FGFR4: variants seen among roughly 807,000 people sequenced by gnomAD.
The protein encoded by FGFR4 is fibroblast growth factor receptor 4, also known as hydroxyaryl-protein kinase.
FGFR4 carries 63 observed loss-of-function variants against 89.9 expected under a neutral mutation model. That is an observed-to-expected ratio of 0.70 (90% CI 0.57 to 0.86). FGFR4 has a LOEUF of 0.86. Ranked by LOEUF, FGFR4 falls within the 40% of genes least tolerant of loss-of-function variation. The probability of loss-of-function intolerance (pLI) is 0.00; values close to 1 mark genes in which losing one functional copy is unlikely to be tolerated. For synonymous variants in FGFR4, 486 were observed against 479.4 expected, an observed-to-expected ratio of 1.01 and a Z score of -0.18; for missense variants, 928 against 1,106.7, an observed-to-expected ratio of 0.84 and a Z score of 2.29.
chr5:177,093,182 A>G lies in FGFR4; in HGVS notation c.1102A>G (p.Thr368Ala), dbSNP rs564590358. 3 of 1,613,850 alleles carry G rather than the reference A, an allele frequency of 1.9e-6. No individual in the cohort carries two copies. The highest frequency in any genetic ancestry group is 1.3e-5 in the African/African-American group (1 of 74,914). Residue 368 changes from threonine to alanine, a missense_variant, in exon 9 of 18, where the codon ACG (threonine) becomes GCG (alanine). Coordinates refer to ENST00000292408, the MANE Select transcript of FGFR4 (RefSeq NM_213647.3). This position sits in a 1 kb window ranked among gnomAD's most constrained non-coding sequence, Gnocchi z 5.8. ...CGCAGCAGCGCCCGAGGCCAGGTAT[A>G]CGGACATCATCCTGTACGCGTCGGG... ...WTAAAPEARY[T>A]DIILYASGSL...
chr5:177,094,027 C>T (rs1784463098), intron 11 of FGFR4, among the ~76,000 whole-genome samples: 1 of 151,862 alleles, frequency 6.6e-6, no homozygotes, highest in South Asian at 2.1e-4. Flanking sequence ...GCCATGATCA[C>T]GCCACTGTAT....
intron 2 of FGFR4, chr5:177,089,898 C>A (rs1324707450): frequency 7.8e-6 from 6 of 771,150 alleles, no homozygotes; most frequent in Non-Finnish European, 1.3e-5. Flanking sequence ...AGAGGACTGG[C>A]CTTGCAGGGC....
chr5:177,093,502 G>T lies in FGFR4; in HGVS notation c.1348G>T (p.Val450Leu). ...CGGCCCCGCCTTGCTCGCCGGCCTC[G>T]TGAGTCTAGATCTACCTCTCGACCC... ...SSGPALLAGL[V>L]SLDLPLDPLW... Residue 450 changes from valine to leucine, a missense_variant, in exon 10 of 18, where the codon GTG (valine) becomes TTG (leucine). Val to Leu is a conservative substitution (Grantham distance 32). This residue lies in a region of FGFR4 where 741 missense variants were observed against 836.9 expected (regional missense o/e 0.89). Coordinates refer to ENST00000292408, the MANE Select transcript of FGFR4 (RefSeq NM_213647.3). This position sits in a 1 kb window ranked among gnomAD's most constrained non-coding sequence, Gnocchi z 5.8. The T allele has an allele frequency of 1.9e-6, 3 of 1,613,874 alleles. No individual in the cohort carries two copies. The Middle Eastern group carries it at 4.9e-4, about 266-fold the overall frequency.
rs1562071491 is a variant in FGFR4, at chr5:177,093,306, T to C, written c.1226T>C (p.Leu409Pro). The C allele has an allele frequency of 3.0e-6, 4 of 1,338,214 alleles. No individual in the cohort carries two copies. In the South Asian group the frequency reaches 4.6e-5, roughly 15 times the overall value. 82.9% of individuals were successfully genotyped at this position (1,338,214 alleles called of 1,614,324 possible). A position where few individuals can be genotyped will look rare whatever the true frequency, so the allele number is the denominator to read the frequency against. ...CGCCCGCCCGCCACTGTGCAGAAGC[T>C]CTCCCGCTTCCCTCTGGCCCGACAG... ...HPRPPATVQKLSRFPLARQFS... is the reference protein window; with the variant it reads ...HPRPPATVQKPSRFPLARQFS... The change falls in exon 9 of 18, where the codon CTC (leucine) becomes CCC (proline). Residue 409 changes from leucine to proline, a missense_variant. By Grantham distance (98) the Leu-to-Pro change is moderately conservative. Coordinates refer to ENST00000292408, the MANE Select transcript of FGFR4 (RefSeq NM_213647.3). This position sits in a 1 kb window ranked among gnomAD's most constrained non-coding sequence, Gnocchi z 5.8.
At chr5:177,090,880 AAG>A in intron 4 of FGFR4, 55 bp downstream of exon 4, 1 of 1,613,970 alleles carries the variant, frequency 6.2e-7, no homozygotes, top group South Asian at 1.1e-5. Flanking sequence ...GATCACTGAG[AAG>A]AGGAGGCCTG....
chr5:177,096,264 C>G (rs761815463), intron 14 of FGFR4, 23 bp from the exon 15 acceptor site: 3 of 1,613,982 alleles, frequency 1.9e-6, no homozygotes, highest in Non-Finnish European at 2.5e-6. Context: ...GGACTCTGCA[C>G]TGAGGCCCTC....
At chr5:177,090,212 G>T in intron 2 of FGFR4, 178 bp from the exon 3 acceptor site, 1 of 823,486 alleles carries the variant, frequency 1.2e-6, no homozygotes, top group South Asian at 1.4e-5. Context: ...CAAGAGTGTG[G>T]CATTTGCCCT....
At chr5:177,091,513 GC>G (rs1784366021) in intron 5 of FGFR4, among the ~76,000 whole-genome samples, 171 bp from the exon 6 acceptor site, 1 of 152,222 alleles carries the variant, frequency 6.6e-6, no homozygotes, top group Non-Finnish European at 1.5e-5. Flanking sequence ...AGGCTCAAGC[GC>G]CCTGGGGAGC....
chr5:177,090,228 T>C, intron 2 of FGFR4, 162 bp from the exon 3 acceptor site: 1 of 981,000 alleles, frequency 1.0e-6, no homozygotes, highest in Non-Finnish European at 1.6e-6. Flanking sequence ...GCCCTGGGTG[T>C]GGCATCCGCA....
rs1407886887 is a variant in FGFR4, at chr5:177,095,680, C to G, written c.1778C>G (p.Ala593Gly). ...TCCTTCCCAGTCCTGGTCTCCTGCG[C>G]CTACCAGGTGGCCCGAGGCATGCAG... ...PLSFPVLVSC[A>G]YQVARGMQYL... is the part of the protein sequence containing the mutation. The change falls in exon 13 of 18, where the codon GCC (alanine) becomes GGC (glycine). Residue 593 changes from alanine (A) to glycine (G), a missense_variant. This residue lies in a region of FGFR4 where 741 missense variants were observed against 836.9 expected (regional missense o/e 0.89). Coordinates refer to ENST00000292408, the MANE Select transcript of FGFR4 (RefSeq NM_213647.3). This position sits in a 1 kb window ranked among gnomAD's most constrained non-coding sequence, Gnocchi z 5.7. The G allele has an allele frequency of 1.9e-6, 3 of 1,609,482 alleles. No homozygotes were observed. The highest frequency in any genetic ancestry group is 2.5e-6 in the Non-Finnish European group (3 of 1,179,060).
Position 177,095,999 on chromosome 5 carries a change from G to A in FGFR4, c.1822-58G>A. On this transcript the variant is annotated intron_variant, in intron 13 of 17. Transcript: ENST00000292408. The surrounding 1 kb of genome is among the most constrained non-coding windows in gnomAD (Gnocchi z 5.7). The stretch of plus-strand genomic sequence containing the variant: ...CTGCCCCCGGGCCTGCTGGGGGGTG[G>A]TGTGTGCTCAACTCCAGGCCAGGTG... 1.3e-6 allele frequency: 2 copies of A among 1,581,592 alleles called. No individual in the cohort carries two copies. Among genetic ancestry groups the A allele is most frequent in the East Asian group, 2.3e-5 (1 of 44,404 alleles).
Position 177,093,004 on chromosome 5 carries a change from G to A in FGFR4, c.1058-134G>A. 7.4e-7 allele frequency: 1 copy of A among 1,346,214 alleles called. No homozygotes were observed. Among genetic ancestry groups the A allele is most frequent in the East Asian group, 2.4e-5 (1 of 40,968 alleles). The allele number at this position is 1,346,214 out of a possible 1,614,324, so 83.4% of individuals were successfully genotyped here. A position where few individuals can be genotyped will look rare whatever the true frequency, so the allele number is the denominator to read the frequency against. On this transcript the variant is annotated intron_variant, in intron 8 of 17. Transcript: ENST00000292408. The surrounding 1 kb of genome is among the most constrained non-coding windows in gnomAD (Gnocchi z 5.8). ...CTGAGGTGTGGGTGCCTGGGACTGGGCATAACTACAGCTTCCTCCGTGTGT... is the reference window on the plus strand; with the variant it reads ...CTGAGGTGTGGGTGCCTGGGACTGGACATAACTACAGCTTCCTCCGTGTGT...
In FGFR4 at chr5:177,095,876, G is replaced by A. The variant is rs947825586; in HGVS notation, c.1821+153G>A. On this transcript the variant is annotated intron_variant, in intron 13 of 17. Coordinates refer to ENST00000292408, the MANE Select transcript of FGFR4 (RefSeq NM_213647.3). This position sits in a 1 kb window ranked among gnomAD's most constrained non-coding sequence, Gnocchi z 5.7. Reference sequence around the variant, plus strand: ...TCACGCTTTCCTGCATTCCCCACTCGTTCCTCACCCTTCCCCAGAGGGGAG... The same window carrying A: ...TCACGCTTTCCTGCATTCCCCACTCATTCCTCACCCTTCCCCAGAGGGGAG... 2.6e-5 allele frequency among the ~76,000 whole-genome samples: 4 copies of A among 152,128 alleles called. No homozygotes were observed. The highest frequency in any genetic ancestry group is 2.1e-4 in the South Asian group (1 of 4,828).
rs1011346953 is a variant in FGFR4 at position 177,092,522 on chromosome 5, C to T, written c.918+11C>T. On this transcript the variant is annotated intron_variant, in intron 7 of 17. Transcript: ENST00000292408. ...GTGCAAGTCCTAAAGGTAAAAGGTG[C>T]ACCCTGCTGCAGCCTGGGCCCCATT... 5 of 1,565,276 alleles carry T rather than the reference C, an allele frequency of 3.2e-6. No homozygotes were observed. Among genetic ancestry groups the T allele is most frequent in the Non-Finnish European group, 4.3e-6 (5 of 1,151,538 alleles).
At chr5:177,091,646 A>G in intron 5 of FGFR4, 39 bp from the exon 6 acceptor site, 2 of 1,609,970 alleles carry the variant, frequency 1.2e-6, no homozygotes, top group Non-Finnish European at 1.7e-6. Context: ...CCCTTGGTGG[A>G]CATGGTCCGG....
At chr5:177,088,177 C>A (rs1261600150) in intron 1 of FGFR4, 1 of 159,440 alleles carries the variant, frequency 6.3e-6, no homozygotes, top group South Asian at 2.0e-4. Flanking sequence ...CTCAGCCTCC[C>A]GAGTAGCTGG....
In FGFR4 at chr5:177,095,068, G is replaced by A. The variant is rs1314457363; in HGVS notation, c.1520-262G>A. 1.1e-5 allele frequency: 5 copies of A among 471,576 alleles called. No individual in the cohort carries two copies. Among genetic ancestry groups the A allele is most frequent in the Non-Finnish European group, 2.0e-5 (5 of 255,240 alleles). 29.2% of individuals were successfully genotyped at this position (471,576 alleles called of 1,614,324 possible). A position where few individuals can be genotyped will look rare whatever the true frequency, so the allele number is the denominator to read the frequency against. On this transcript the variant is annotated intron_variant, in intron 11 of 17. Transcript: ENST00000292408. This position sits in a 1 kb window ranked among gnomAD's most constrained non-coding sequence, Gnocchi z 5.7. Reference sequence around the variant, plus strand: ...TGTGTCCTGGGCCTGCCCGCTGGAAGGCCTGCCTCTTAGATCCTTGATACA... The same window carrying A: ...TGTGTCCTGGGCCTGCCCGCTGGAAAGCCTGCCTCTTAGATCCTTGATACA...
Position 177,095,615 on chromosome 5 carries a change from C to T in FGFR4, c.1713C>T (p.Asp571=), listed in dbSNP as rs374918004. The T allele has an allele frequency of 5.6e-6, 9 of 1,605,614 alleles. No homozygotes were observed. The highest frequency in any genetic ancestry group is 2.2e-5 in the South Asian group (2 of 89,862). The change falls in exon 13 of 18, where the codon GAC becomes GAT. Residue 571 remains aspartate (D), a synonymous_variant. Transcript: ENST00000292408. This position sits in a 1 kb window ranked among gnomAD's most constrained non-coding sequence, Gnocchi z 5.7. ...FLRARRPPGP[D]LSPDGPRSSE... ...GGGCCCGGCGCCCCCCAGGCCCCGA[C>T]CTCAGCCCCGACGGTCCTCGGAGCA... is the stretch of plus-strand genomic sequence containing the variant.
rs2149735171 is a variant in FGFR4, at chr5:177,093,215, G to C, written c.1135G>C (p.Ala379Pro). 6.2e-7 allele frequency: 1 copy of C among 1,612,694 alleles called. No homozygotes were observed. Among genetic ancestry groups the C allele is most frequent in the Non-Finnish European group, 8.5e-7 (1 of 1,178,966 alleles). The change falls in exon 9 of 18, where the codon GCC becomes CCC. Residue 379 changes from alanine to proline, a missense_variant. Physicochemically the swap from Ala to Pro is conservative, Grantham distance 27 (BLOSUM62 -1). Transcript: ENST00000292408. The surrounding 1 kb of genome is among the most constrained non-coding windows in gnomAD (Gnocchi z 5.8). ...DIILYASGSL[A>P]LAVLLLLAGL... ...CATCCTGTACGCGTCGGGCTCCCTG[G>C]CCTTGGCTGTGCTCCTGCTGCTGGC...
Sources: allele counts gnomAD v4.1 joint callset (sites outside exome capture counted in the v4.1 genomes callset), GRCh38; gene constraint gnomAD v4.1.1; regional missense constraint gnomAD v4.1.1; non-coding constraint Gnocchi (gnomAD v3.1); transcripts MANE v1.5; gene names NCBI Gene and HGNC (gene_info 2026-07-23, HGNC 2026-07-21).